Variants in SEMA4D observed in about 807,000 individuals in gnomAD.
SEMA4D encodes semaphorin 4D, also known as semaphorin-4D.
Under a neutral mutation model 74.8 loss-of-function variants are expected in SEMA4D, and 22 were observed. The observed-to-expected ratio is 0.29, with a 90% CI of 0.21 to 0.42. The LOEUF is 0.42. Ranked by LOEUF, SEMA4D falls within the 10% of genes least tolerant of loss-of-function variation. The probability of loss-of-function intolerance (pLI) is 1.00; values close to 1 mark genes in which losing one functional copy is unlikely to be tolerated. For synonymous variants in SEMA4D, 445 were observed against 463.7 expected, an observed-to-expected ratio of 0.96 and a Z score of 0.52; for missense variants, 937 against 1,118.4, an observed-to-expected ratio of 0.84 and a Z score of 2.31.
rs369075527 is a variant in SEMA4D, at chr9:89,388,734, A to G, written c.1009T>C (p.Phe337Leu). 1.9e-6 allele frequency: 3 copies of G among 1,610,994 alleles called. No homozygotes were observed. In the African/African-American group the frequency reaches 4.0e-5, roughly 22 times the overall value. The change falls in exon 11 of 16, where the codon TTC (phenylalanine) becomes CTC (leucine). Residue 337 changes from phenylalanine to leucine, a missense_variant. Phe to Leu is a conservative substitution (Grantham distance 22). Transcript: ENST00000422704. ...CTCTGCATGTACTTCCCGTGGGAGA[A>G]GACCTCCTCGGCTGTGGACAGGTTG... ...AYNLSTAEEV[F>L]SHGKYMQSTT...
chr9:89,473,712 G>A (rs957497381), intron 1 of SEMA4D, among the ~76,000 whole-genome samples: 6 of 151,828 alleles, frequency 4.0e-5, no homozygotes, highest in African/African-American at 9.7e-5. Context: ...AAAATTAGCC[G>A]GGCATGGTGG....
At chr9:89,414,825 T>C (rs1005852206) in intron 2 of SEMA4D, among the ~76,000 whole-genome samples, 81 of 152,228 alleles carry the variant, frequency 5.3e-4, no homozygotes, top group African/African-American at 1.9e-3. Context: ...CCAGTCTACT[T>C]CACCCTCAAG....
At position 89,381,419 on chromosome 9, in the gene SEMA4D, C is replaced by A; in HGVS notation, c.1447-73G>T. ...CAGGAGCATGGCCTCTGCTTCTGCACCAGTGTGTGGGAAGCAGCCAGAGTG... is the reference window on the plus strand; with the variant it reads ...CAGGAGCATGGCCTCTGCTTCTGCAACAGTGTGTGGGAAGCAGCCAGAGTG... On this transcript the variant is annotated intron_variant, in intron 13 of 15. Transcript: ENST00000422704. This position sits in a 1 kb window ranked among gnomAD's most constrained non-coding sequence, Gnocchi z 4.6. 1 of 1,372,934 alleles carries A rather than the reference C, an allele frequency of 7.3e-7. No individual in the cohort carries two copies. Among genetic ancestry groups the A allele is most frequent in the Non-Finnish European group, 9.7e-7 (1 of 1,031,220 alleles). The allele number at this position is 1,372,934 out of a possible 1,614,324, so 85.0% of individuals were successfully genotyped here. A position where few individuals can be genotyped will look rare whatever the true frequency, so the allele number is the denominator to read the frequency against.
intron 1 of SEMA4D, among the ~76,000 whole-genome samples, chr9:89,476,010 C>T (rs1029216866): frequency 1.3e-5 from 2 of 152,144 alleles, no homozygotes; most frequent in South Asian, 4.1e-4. Context: ...AAATATGGGG[C>T]CAGTGGTGAC....
Position 89,378,109 on chromosome 9 carries a change from C to T in SEMA4D, c.*595G>A, listed in dbSNP as rs1254235109. 6.6e-6 allele frequency: 1 copy of T among 152,288 alleles called. No individual in the cohort carries two copies. The highest frequency in any genetic ancestry group is 2.4e-5 in the African/African-American group (1 of 41,282). The allele number at this position is 152,288 out of a possible 1,614,324, so 9.4% of individuals were successfully genotyped here. On this transcript the variant is annotated 3_prime_UTR_variant, in exon 16 of 16. Transcript: ENST00000422704. ...TAAGCAACGTAAGCCGTATTTTATG[C>T]CAAATATATAACAAAATCTGGAAGA...
chr9:89,428,978 A>T (rs1848676895), intron 2 of SEMA4D, among the ~76,000 whole-genome samples: 4 of 152,298 alleles, frequency 2.6e-5, no homozygotes, highest in African/African-American at 9.6e-5. Flanking sequence ...CAGAAGACAG[A>T]CAGGATGGAC....
rs377565599 is a variant in SEMA4D, at chr9:89,391,404, C to T, written c.634G>A (p.Val212Met). Residue 212 changes from valine to methionine, a missense_variant, in exon 9 of 16, where the codon GTG (valine) becomes ATG (methionine). Val to Met is a conservative substitution (Grantham distance 21). Transcript: ENST00000422704. ...CTTTTTCGGATCACGTCAGCAAACA[C>T]GAAACTAGGCTCTGCAGAGAGAGGA... ...AIPWLNEPSF[V>M]FADVIRKSPD... 4.5e-5 allele frequency: 72 copies of T among 1,614,130 alleles called. No homozygotes were observed. Among genetic ancestry groups the T allele is most frequent in the Non-Finnish European group, 5.3e-5 (63 of 1,180,060 alleles).
chr9:89,386,746 C>T, intron 12 of SEMA4D: 1 of 373,134 alleles, frequency 2.7e-6, no homozygotes, highest in Non-Finnish European at 5.0e-6. Flanking sequence ...GAATCCTCAC[C>T]AACAGTCGAC....
rs764926050 is a variant in SEMA4D at position 89,386,394 on chromosome 9, G to A, written c.1419C>T (p.Val473=). ...ETQLFQDFEP[V]QTLLLSSKKG... ...TCTTTGAAGACAGCAGCAGGGTCTG[G>A]ACTGGCTCAAAGTCCTGGAAGAGCT... Residue 473 remains valine, a synonymous_variant, in exon 13 of 16, where the codon GTC becomes GTT. Transcript: ENST00000422704. 4.3e-6 allele frequency: 7 copies of A among 1,613,892 alleles called. No homozygotes were observed. The highest frequency in any genetic ancestry group is 5.9e-6 in the Non-Finnish European group (7 of 1,179,824).
chr9:89,388,999 G>A lies in SEMA4D; in HGVS notation c.823C>T (p.Leu275=). ...CGGGAGCAGATGAGTCGGGCTTTCA[G>A]GAAGGAGGTCCATTTCTTCTGCAAG... The part of the protein sequence containing the change: ...RTLQKKWTSF[L]KARLICSRPD... Residue 275 remains leucine, a synonymous_variant, in exon 10 of 16, where the codon CTG becomes TTG. Transcript: ENST00000422704. The A allele has an allele frequency of 6.2e-7, 1 of 1,614,126 alleles. No homozygotes were observed. Among genetic ancestry groups the A allele is most frequent in the South Asian group, 1.1e-5 (1 of 91,084 alleles).
chr9:89,427,143 C>T (rs577201041), intron 2 of SEMA4D, among the ~76,000 whole-genome samples: 4 of 152,334 alleles, frequency 2.6e-5, no homozygotes, highest in East Asian at 1.9e-4. Flanking sequence ...TCAATCCCCA[C>T]GTTCAACTCA....
At chr9:89,452,665 T>A (rs1854888237) in intron 2 of SEMA4D, among the ~76,000 whole-genome samples, 1 of 151,658 alleles carries the variant, frequency 6.6e-6, no homozygotes, top group African/African-American at 2.4e-5. Context: ...TTTGGCCACA[T>A]TGGTCTTGAA....
chr9:89,479,196 G>A (rs1862543452), intron 1 of SEMA4D, among the ~76,000 whole-genome samples: 1 of 152,186 alleles, frequency 6.6e-6, no homozygotes, highest in Admixed American at 6.5e-5. Flanking sequence ...GAACAATGGG[G>A]AAGCCACATT....
intron 2 of SEMA4D, among the ~76,000 whole-genome samples, chr9:89,416,070 T>G (rs1035295306): frequency 6.6e-5 from 10 of 152,202 alleles, no homozygotes; most frequent in Non-Finnish European, 1.2e-4. Context: ...GGTGCTTAAC[T>G]CCACAAACCA....
intron 1 of SEMA4D, among the ~76,000 whole-genome samples, chr9:89,458,119 G>C (rs1462247033): frequency 6.6e-6 from 1 of 152,196 alleles, no homozygotes; most frequent in African/African-American, 2.4e-5. Flanking sequence ...GAATAAAAAG[G>C]CAGGCTGTGG....
At chr9:89,364,366 C>T (rs553086530) in intron 16 of SEMA4D, 35 of 282,796 alleles carry the variant, frequency 1.2e-4, no homozygotes, top group African/African-American at 7.1e-4. Flanking sequence ...TCACCAGGGC[C>T]ACAGCATGGA....
chr9:89,387,694 G>T, intron 11 of SEMA4D, 86 bp from the exon 12 acceptor site: 1 of 1,174,660 alleles, frequency 8.5e-7, no homozygotes, highest in Non-Finnish European at 1.2e-6. Flanking sequence ...CGCAGGGGGG[G>T]CTGCAAAACC....
At chr9:89,373,944 G>A (rs1265576181), downstream of SEMA4D, among the ~76,000 whole-genome samples, 1 of 152,178 alleles carries the variant, frequency 6.6e-6, no homozygotes, top group African/African-American at 2.4e-5. Flanking sequence ...GAGCCTACTC[G>A]GGAAATTCAC....
At chr9:89,491,056 TA>T (rs1825585623) in intron 1 of SEMA4D, among the ~76,000 whole-genome samples, 1 of 125,010 alleles carries the variant, frequency 8.0e-6, no homozygotes, top group Non-Finnish European at 1.8e-5. Flanking sequence ...AAAACTCAGT[TA>T]GCTGTGTTTG....
Sources: allele counts gnomAD v4.1 joint callset (sites outside exome capture counted in the v4.1 genomes callset), GRCh38; gene constraint gnomAD v4.1.1; non-coding constraint Gnocchi (gnomAD v3.1); transcripts MANE v1.5; gene names NCBI Gene and HGNC (gene_info 2026-07-23, HGNC 2026-07-21).